The following LDLRAD4 variants were observed in gnomAD, a reference collection of about 807,000 sequenced individuals.
LDLRAD4 encodes the protein low density lipoprotein receptor class A domain containing 4.
A neutral mutation model predicts 17.0 loss-of-function variants in LDLRAD4; 5 were observed. The observed-to-expected ratio is 0.29, with a 90% CI of 0.15 to 0.62. The LOEUF is 0.62. Among genes scored for constraint, LDLRAD4 ranks in the 20% least tolerant of loss-of-function variants. The probability of loss-of-function intolerance (pLI) is 0.84; values close to 1 mark genes in which losing one functional copy is unlikely to be tolerated. For missense variants in LDLRAD4, 340 were observed against 424.7 expected, an observed-to-expected ratio of 0.80 and a Z score of 1.75; for synonymous variants, 168 against 171.8, an observed-to-expected ratio of 0.98 and a Z score of 0.17.
chr18:13,364,239 G>A (rs2083895417), intron 1 of LDLRAD4, among the ~76,000 whole-genome samples: 2 of 152,104 alleles, frequency 1.3e-5, no homozygotes, highest in South Asian at 4.1e-4. Context: ...GAGTATTAAT[G>A]TTTTAATTTA....
chr18:13,624,574 T>C (rs571459253), intron 4 of LDLRAD4, among the ~76,000 whole-genome samples: 8 of 151,956 alleles, frequency 5.3e-5, no homozygotes, highest in East Asian at 1.9e-4. Flanking sequence ...GATGGGGGAG[T>C]GTCAGGCGTG....
chr18:13,601,718 C>G (rs2095165617), intron 3 of LDLRAD4, among the ~76,000 whole-genome samples: 1 of 151,334 alleles, frequency 6.6e-6, no homozygotes, highest in Non-Finnish European at 1.5e-5. Context: ...GGTGGAAATG[C>G]AAGTTAGTTC....
At chr18:13,426,208 C>G (rs1478831547) in intron 2 of LDLRAD4, 1 of 152,234 alleles carries the variant, frequency 6.6e-6, no homozygotes, top group East Asian at 1.9e-4. Context: ...AGCCCCTGCT[C>G]CTGTTTGTTG....
At chr18:13,464,341 A>T (rs1437501909) in intron 3 of LDLRAD4, among the ~76,000 whole-genome samples, 1 of 152,216 alleles carries the variant, frequency 6.6e-6, no homozygotes, top group East Asian at 1.9e-4. Context: ...ATTGCTTTAA[A>T]CTGTGTTGTG....
At chr18:13,474,130 G>A (rs2092872557) in intron 3 of LDLRAD4, among the ~76,000 whole-genome samples, 1 of 152,054 alleles carries the variant, frequency 6.6e-6, no homozygotes, top group Non-Finnish European at 1.5e-5. Flanking sequence ...CTTTGCCTTC[G>A]CCATGATTGG....
At chr18:13,568,779 G>A (rs575476720) in intron 3 of LDLRAD4, among the ~76,000 whole-genome samples, 1 of 152,314 alleles carries the variant, frequency 6.6e-6, no homozygotes, top group Non-Finnish European at 1.5e-5. Context: ...GGCCTGCTGA[G>A]TGTAGGTTTC....
intron 1 of LDLRAD4, among the ~76,000 whole-genome samples, chr18:13,247,144 G>A (rs2042994496): frequency 1.3e-5 from 2 of 152,152 alleles, no homozygotes; most frequent in South Asian, 2.1e-4. Flanking sequence ...AAGAATTACA[G>A]GTTCTGTTTT....
chr18:13,397,026 TG>T, intron 2 of LDLRAD4, among the ~76,000 whole-genome samples: 1 of 152,214 alleles, frequency 6.6e-6, no homozygotes. Flanking sequence ...CCTAAGGAGA[TG>T]GGGGTGTGCC....
At chr18:13,498,159 C>T (rs1412129850) in intron 3 of LDLRAD4, among the ~76,000 whole-genome samples, 2 of 151,286 alleles carry the variant, frequency 1.3e-5, no homozygotes, top group African/African-American at 4.9e-5. Context: ...TCGCCACACA[C>T]GTCCCTCTGT....
intron 1 of LDLRAD4, among the ~76,000 whole-genome samples, chr18:13,219,457 C>G (rs1195665683): frequency 6.6e-6 from 1 of 152,136 alleles, no homozygotes; most frequent in Admixed American, 6.5e-5. Context: ...ATTTTGGCAT[C>G]TTCTCATCCC....
Position 13,464,276 on chromosome 18 carries a change from G to A in LDLRAD4, c.181+25892G>A, listed in dbSNP as rs191167564. The stretch of plus-strand genomic sequence containing the variant: ...ATGGTTTTTATAAAATGAAACGATG[G>A]CTAATAGCTCAGCAGAGAAGTATTT... On this transcript the variant is annotated intron_variant, in intron 3 of 5. Transcript: ENST00000359446. Among the ~76,000 whole-genome samples the A allele has an allele frequency of 2.4e-4, 36 of 152,306 alleles. 1 individual carries two copies. Among genetic ancestry groups the A allele is most frequent in the African/African-American group, 8.4e-4 (35 of 41,560 alleles).
intron 1 of LDLRAD4, among the ~76,000 whole-genome samples, chr18:13,317,654 G>C (rs1263604152): frequency 1.3e-5 from 2 of 152,180 alleles, no homozygotes; most frequent in African/African-American, 4.8e-5. Flanking sequence ...AAGGCAGGCT[G>C]AGTTAAAGAA....
At chr18:13,228,035 C>G (rs1313001104) in intron 1 of LDLRAD4, among the ~76,000 whole-genome samples, 1 of 152,188 alleles carries the variant, frequency 6.6e-6, no homozygotes, top group Non-Finnish European at 1.5e-5. Context: ...ATGCTGTGCC[C>G]CATCTCCCTG....
At chr18:13,258,607 A>G (rs2043633429) in intron 1 of LDLRAD4, among the ~76,000 whole-genome samples, 1 of 152,250 alleles carries the variant, frequency 6.6e-6, no homozygotes, top group African/African-American at 2.4e-5. Flanking sequence ...CAAAGATTAC[A>G]TTCTTTTTCA....
At chr18:13,576,512 T>C (rs545529931) in intron 3 of LDLRAD4, among the ~76,000 whole-genome samples, 1 of 152,274 alleles carries the variant, frequency 6.6e-6, no homozygotes, top group South Asian at 2.1e-4. Context: ...CATGTAATTC[T>C]TGCCAGCTCA....
chr18:13,565,042 C>T (rs1045719352), intron 3 of LDLRAD4: 1 of 152,260 alleles, frequency 6.6e-6, no homozygotes, highest in Non-Finnish European at 1.5e-5. Flanking sequence ...ACCCTGTATG[C>T]CCTTGTCTGG....
chr18:13,350,200 C>T (rs936655305), intron 1 of LDLRAD4, among the ~76,000 whole-genome samples: 1 of 152,128 alleles, frequency 6.6e-6, no homozygotes, highest in Admixed American at 6.5e-5. Flanking sequence ...CTTGAGGAAT[C>T]GCCACACTGT....
chr18:13,307,360 C>T (rs1487777784), intron 1 of LDLRAD4, among the ~76,000 whole-genome samples: 1 of 152,162 alleles, frequency 6.6e-6, no homozygotes, highest in African/African-American at 2.4e-5. Context: ...TGATGGTTCA[C>T]TTCCACTTAC....
chr18:13,324,460 A>G (rs2081414070), intron 1 of LDLRAD4, among the ~76,000 whole-genome samples: 1 of 152,068 alleles, frequency 6.6e-6, no homozygotes, highest in South Asian at 2.1e-4. Flanking sequence ...CTATTTTTTG[A>G]CAAGGTTCTG....
Sources: gnomAD v4.1 joint callset for allele counts (sites outside exome capture counted in the v4.1 genomes callset) on GRCh38, gnomAD v4.1.1 for gene constraint, MANE v1.5 for transcripts, NCBI Gene and HGNC (gene_info 2026-07-23, HGNC 2026-07-21) for gene names.